Variants in LHFPL3 observed in about 807,000 individuals in gnomAD.
The protein encoded by LHFPL3 is LHFPL tetraspan subfamily member 3 protein.
Under a neutral mutation model 19.3 loss-of-function variants are expected in LHFPL3, and 5 were observed. That is an observed-to-expected ratio of 0.26 (90% confidence interval 0.14 to 0.54). LHFPL3 has a LOEUF of 0.54. LHFPL3 is among the 20% of genes least tolerant of loss of function. The pLI, the probability that LHFPL3 is intolerant of heterozygous loss-of-function variation, is 0.94. For missense variants in LHFPL3, 249 were observed against 307.4 expected (o/e 0.81, Z 1.42); for synonymous variants, 133 against 126.2 (o/e 1.05, Z -0.36).
At chr7:104,838,556 T>C (rs1791140761) in intron 2 of LHFPL3, among the ~76,000 whole-genome samples, 1 of 152,236 alleles carries the variant, frequency 6.6e-6, no homozygotes, top group Admixed American at 6.5e-5. Context: ...TTATGTTTCA[T>C]TGTATCTTTT....
chr7:104,561,462 T>G (rs1274505975), intron 1 of LHFPL3, among the ~76,000 whole-genome samples: 96 of 150,478 alleles, frequency 6.4e-4, no homozygotes, highest in African/African-American at 2.1e-3. Context: ...CTTTTGATCT[T>G]TGTTGGTTTA....
chr7:104,525,580 A>G (rs1794170875), intron 1 of LHFPL3, among the ~76,000 whole-genome samples: 1 of 149,558 alleles, frequency 6.7e-6, no homozygotes, highest in Non-Finnish European at 1.5e-5. Flanking sequence ...TTCTGTCTTT[A>G]TCTTCTTGGT....
chr7:104,846,712 G>C (rs933012587), intron 2 of LHFPL3, among the ~76,000 whole-genome samples: 8 of 152,174 alleles, frequency 5.3e-5, no homozygotes, highest in East Asian at 3.8e-4. Context: ...ACTACCAGGA[G>C]AGCCTTTTAA....
chr7:104,739,976 G>A (rs1030525522), intron 2 of LHFPL3, among the ~76,000 whole-genome samples: 2 of 152,038 alleles, frequency 1.3e-5, no homozygotes, highest in Non-Finnish European at 2.9e-5. Flanking sequence ...TAATTTCCAC[G>A]TGTTGGGAAA....
intron 2 of LHFPL3, among the ~76,000 whole-genome samples, chr7:104,861,357 A>G (rs1025608438): frequency 1.3e-5 from 2 of 152,188 alleles, no homozygotes; most frequent in African/African-American, 2.4e-5. Context: ...ATATAAAATG[A>G]GCAATAATGT....
At chr7:104,348,760 C>A (rs1357306907) in intron 1 of LHFPL3, among the ~76,000 whole-genome samples, 2 of 152,096 alleles carry the variant, frequency 1.3e-5, no homozygotes, top group East Asian at 3.8e-4. Context: ...ATCTAGAGGA[C>A]AAAAGAAAAA....
chr7:104,801,632 G>A (rs867314020), intron 2 of LHFPL3, among the ~76,000 whole-genome samples: 30 of 152,142 alleles, frequency 2.0e-4, no homozygotes, highest in African/African-American at 5.3e-4. Context: ...GTGCAGTGGC[G>A]CGATCTCTGC....
At chr7:104,756,062 G>A (rs1028352330) in intron 2 of LHFPL3, among the ~76,000 whole-genome samples, 3 of 152,136 alleles carry the variant, frequency 2.0e-5, no homozygotes, top group African/African-American at 7.2e-5. Context: ...GCCAGGGGTT[G>A]GGATGGGGAG....
chr7:104,360,925 T>C (rs1790379929), intron 1 of LHFPL3, among the ~76,000 whole-genome samples: 1 of 152,252 alleles, frequency 6.6e-6, no homozygotes, highest in Admixed American at 6.5e-5. Flanking sequence ...ACTGTTTTTG[T>C]ATGATTCTAC....
intron 1 of LHFPL3, among the ~76,000 whole-genome samples, chr7:104,579,146 G>A (rs964331421): frequency 6.6e-6 from 1 of 152,116 alleles, no homozygotes; most frequent in African/African-American, 2.4e-5. Flanking sequence ...CTATTGGAAG[G>A]CAATATGCTT....
intron 1 of LHFPL3, among the ~76,000 whole-genome samples, chr7:104,526,281 G>T (rs998966495): frequency 4.6e-5 from 7 of 152,134 alleles, no homozygotes; most frequent in African/African-American, 1.7e-4. Flanking sequence ...AGAGACACTA[G>T]CCAAATAAAC....
intron 2 of LHFPL3, among the ~76,000 whole-genome samples, chr7:104,862,478 T>C (rs1791634102): frequency 6.6e-6 from 1 of 152,192 alleles, no homozygotes; most frequent in Non-Finnish European, 1.5e-5. Flanking sequence ...TCTGAGATGA[T>C]AAGTGCTAGC....
At chr7:104,464,280 G>A (rs1792733440) in intron 1 of LHFPL3, among the ~76,000 whole-genome samples, 1 of 152,230 alleles carries the variant, frequency 6.6e-6, no homozygotes, top group South Asian at 2.1e-4. Flanking sequence ...GCAGGGTACA[G>A]CCCCCTTCCT....
intron 1 of LHFPL3, among the ~76,000 whole-genome samples, chr7:104,347,506 T>C (rs2116381056): frequency 6.6e-6 from 1 of 152,316 alleles, no homozygotes; most frequent in Non-Finnish European, 1.5e-5. Flanking sequence ...TAATGGCTCC[T>C]TGTAGCCTTT....
chr7:104,823,007 G>A (rs12705280), intron 2 of LHFPL3, among the ~76,000 whole-genome samples: 26,148 of 151,958 alleles, frequency 0.17, 2,590 homozygotes, highest in East Asian at 0.46. Flanking sequence ...AGAGCCGTAC[G>A]CTCTGCATGA....
At chr7:104,704,573 T>C (rs1325337270) in intron 1 of LHFPL3, among the ~76,000 whole-genome samples, 2 of 152,086 alleles carry the variant, frequency 1.3e-5, no homozygotes, top group African/African-American at 4.8e-5. Context: ...GAGTGATTCC[T>C]GCATATCCAA....
chr7:104,565,727 CTAT>C (rs1790108039), intron 1 of LHFPL3, among the ~76,000 whole-genome samples: 5 of 42,012 alleles, frequency 1.2e-4, no homozygotes, highest in African/African-American at 2.8e-4. Flanking sequence ...GTCTGTCTAT[CTAT>C]CTATCTATCT....
At chr7:104,510,825 C>T (rs965562195) in intron 1 of LHFPL3, among the ~76,000 whole-genome samples, 2 of 152,078 alleles carry the variant, frequency 1.3e-5, no homozygotes, top group African/African-American at 2.4e-5. Flanking sequence ...CACATGTTCT[C>T]ACTTATAAGT....
intron 2 of LHFPL3, among the ~76,000 whole-genome samples, chr7:104,837,360 T>TATC (rs1284697793): frequency 1.3e-5 from 2 of 152,332 alleles, no homozygotes; most frequent in Middle Eastern, 6.8e-3. Flanking sequence ...ACCTTTTCAT[T>TATC]ATCAATTGAA....
Sources: gnomAD v4.1 joint callset for allele counts (sites outside exome capture counted in the v4.1 genomes callset) on GRCh38, gnomAD v4.1.1 for gene constraint, MANE v1.5 for transcripts, NCBI Gene and HGNC (gene_info 2026-07-23, HGNC 2026-07-21) for gene names.